CLHC1: variants seen among roughly 807,000 people sequenced by gnomAD.
CLHC1 encodes the protein clathrin heavy chain linker domain-containing protein 1.
A neutral mutation model predicts 69.5 loss-of-function variants in CLHC1; 72 were observed. The observed-to-expected ratio is 1.04, with a 90% CI of 0.86 to 1.26. CLHC1 has a LOEUF of 1.26. Ranked by LOEUF, CLHC1 falls within the 50% of genes most tolerant of loss-of-function variation. The pLI, the probability that CLHC1 is intolerant of heterozygous loss-of-function variation, is 0.00. For missense variants in CLHC1, 790 were observed against 679.3 expected (o/e 1.16, Z -1.81); for synonymous variants, 223 against 224.3 (o/e 0.99, Z 0.05).
intron 7 of CLHC1, 67 bp from the exon 8 acceptor site, chr2:55,208,777 A>G (rs1672685808): frequency 9.0e-7 from 1 of 1,113,546 alleles, no homozygotes; most frequent in Non-Finnish European, 1.4e-6. Flanking sequence ...CAATAAACAT[A>G]CATGTGTTTA....
At chr2:55,214,405 G>C (rs1673300407) in intron 4 of CLHC1, 1 of 152,348 alleles carries the variant, frequency 6.6e-6, no homozygotes, top group Non-Finnish European at 1.5e-5. Flanking sequence ...CCACTCGGAA[G>C]GCTGAGGCAG....
At chr2:55,205,820 G>A (rs1672386254) in intron 9 of CLHC1, 1 of 153,064 alleles carries the variant, frequency 6.5e-6, no homozygotes, top group Non-Finnish European at 1.5e-5. Flanking sequence ...GTTTGAACCT[G>A]GGAGGCAGAG....
intron 1 of CLHC1, among the ~76,000 whole-genome samples, chr2:55,230,097 T>C (rs1199407604): frequency 6.6e-6 from 1 of 152,164 alleles, no homozygotes; most frequent in Non-Finnish European, 1.5e-5. Context: ...AAAGAATTGT[T>C]CTTGTTGCTC....
At chr2:55,207,844 T>C (rs1444933179) in intron 8 of CLHC1, among the ~76,000 whole-genome samples, 2 of 152,178 alleles carry the variant, frequency 1.3e-5, no homozygotes, top group Non-Finnish European at 1.5e-5. Flanking sequence ...TCTTGCTAAG[T>C]TGGTACACAG....
At chr2:55,202,384 T>C (rs1419779836) in intron 9 of CLHC1, among the ~76,000 whole-genome samples, 2 of 151,376 alleles carry the variant, frequency 1.3e-5, no homozygotes, top group Non-Finnish European at 2.9e-5. Context: ...GGAGAAACCC[T>C]GTCCCTACTA....
At chr2:55,183,126 G>A (rs1433140074) in intron 9 of CLHC1, among the ~76,000 whole-genome samples, 3 of 152,122 alleles carry the variant, frequency 2.0e-5, no homozygotes, top group Non-Finnish European at 4.4e-5. Flanking sequence ...GAGAGTAGCA[G>A]AGTAAAGAAG....
intron 9 of CLHC1, chr2:55,205,721 T>A (rs1256641232): frequency 6.6e-6 from 1 of 152,304 alleles, no homozygotes; most frequent in African/African-American, 2.4e-5. Context: ...TGGGAAACCC[T>A]GTCTCAACTA....
chr2:55,205,448 T>C (rs1672351932), intron 9 of CLHC1, among the ~76,000 whole-genome samples: 3 of 150,814 alleles, frequency 2.0e-5, no homozygotes. Flanking sequence ...CACCACAGAA[T>C]ACTACTCAGC....
chr2:55,211,002 T>A (rs1285665630), intron 5 of CLHC1, among the ~76,000 whole-genome samples: 1 of 151,944 alleles, frequency 6.6e-6, no homozygotes, highest in Non-Finnish European at 1.5e-5. Flanking sequence ...CCCTAAATAA[T>A]CCTCCTTTCT....
chr2:55,221,038 T>C (rs1674063417), intron 3 of CLHC1, among the ~76,000 whole-genome samples: 1 of 152,228 alleles, frequency 6.6e-6, no homozygotes, highest in African/African-American at 2.4e-5. Context: ...GGTAGGTATA[T>C]ATCACTATCT....
chr2:55,227,689 AAAAGT>A (rs1484661863), intron 2 of CLHC1, among the ~76,000 whole-genome samples: 1 of 151,546 alleles, frequency 6.6e-6, no homozygotes, highest in Non-Finnish European at 1.5e-5. Flanking sequence ...AAAAAAAAAA[AAAAGT>A]AAAAGATAAA....
intron 9 of CLHC1, among the ~76,000 whole-genome samples, chr2:55,186,203 A>G (rs191694524): frequency 2.3e-4 from 35 of 152,338 alleles, no homozygotes; most frequent in Admixed American, 9.1e-4. Context: ...AACAAAGATC[A>G]GCTTCAGGCT....
chr2:55,197,378 T>C (rs1671526329), intron 9 of CLHC1, among the ~76,000 whole-genome samples: 1 of 152,198 alleles, frequency 6.6e-6, no homozygotes, highest in Non-Finnish European at 1.5e-5. Context: ...GTGATTACAG[T>C]GGGCCTTGGA....
rs555285424 is a variant in CLHC1, at chr2:55,187,254, C to T, written c.1007-5510G>A. On this transcript the variant is annotated intron_variant, in intron 9 of 12. Transcript: ENST00000401408. ...GGATCGCGCCATTGCACTCCAGCTT[C>T]GGCAACAAGAGCAAAACTCCATCTC... 5.5e-5 allele frequency among the ~76,000 whole-genome samples: 8 copies of T among 146,304 alleles called. No homozygotes were observed. The East Asian group carries it at 8.0e-4, about 15-fold the overall frequency.
chr2:55,184,723 G>A (rs1670256870), intron 9 of CLHC1, among the ~76,000 whole-genome samples: 1 of 151,848 alleles, frequency 6.6e-6, no homozygotes, highest in Non-Finnish European at 1.5e-5. Flanking sequence ...TAACCAACAG[G>A]GTGAAACCCT....
intron 5 of CLHC1, among the ~76,000 whole-genome samples, chr2:55,212,421 T>A (rs1339014963): frequency 3.3e-5 from 5 of 152,230 alleles, no homozygotes; most frequent in Admixed American, 3.3e-4. Flanking sequence ...GATGCTGATG[T>A]TGATACAGGA....
At position 55,177,665 on chromosome 2, in the gene CLHC1, A is replaced by T; in HGVS notation, c.1501T>A (p.Phe501Ile). Residue 501 changes from phenylalanine (F) to isoleucine (I), a missense_variant, in exon 12 of 13, where the codon TTC becomes ATC. Physicochemically the swap from Phe to Ile is conservative, Grantham distance 21 (BLOSUM62 0). Coordinates refer to ENST00000401408, the MANE Select transcript of CLHC1 (RefSeq NM_152385.4). ...CCAACTTTTTTCATGTCTGCAGAGAACAGATGAAGTATAGCAAGACCAAAA... is the reference window on the plus strand; with the variant it reads ...CCAACTTTTTTCATGTCTGCAGAGATCAGATGAAGTATAGCAAGACCAAAA... ...LSFGLAILHL[F>I]SADMKKVGIK... The T allele has an allele frequency of 6.2e-7, 1 of 1,612,978 alleles. No homozygotes were observed. Among genetic ancestry groups the T allele is most frequent in the Non-Finnish European group, 8.5e-7 (1 of 1,179,210 alleles).
rs768187703 is a variant in CLHC1, at chr2:55,217,929, C to A, written c.247G>T (p.Glu83Ter). 2 of 1,597,114 alleles carry A rather than the reference C, an allele frequency of 1.3e-6. No homozygotes were observed. The highest frequency in any genetic ancestry group is 2.3e-5 in the East Asian group (1 of 43,766). Residue 83 changes from glutamate (E) to a stop codon, truncating the protein, a stop_gained, in exon 4 of 13, where the codon GAG becomes TAG. Coordinates refer to ENST00000401408, the MANE Select transcript of CLHC1 (RefSeq NM_152385.4). LOFTEE classifies it high-confidence loss of function. Reference sequence around the variant, plus strand: ...GTTCTTCGGTCTTTCTTTATTGTCTCAATAAAGGCATCATATTCTTTTTTG... The same window carrying A: ...GTTCTTCGGTCTTTCTTTATTGTCTAAATAAAGGCATCATATTCTTTTTTG... ...SIKKEYDAFI[E>*]TIKKDRRTTF...
intron 9 of CLHC1, among the ~76,000 whole-genome samples, chr2:55,190,585 T>C (rs1273649740): frequency 6.6e-6 from 1 of 152,064 alleles, no homozygotes; most frequent in East Asian, 1.9e-4. Flanking sequence ...GTTACAGAGA[T>C]GAAAACTACA....
Sources: allele counts gnomAD v4.1 joint callset (sites outside exome capture counted in the v4.1 genomes callset), GRCh38; gene constraint gnomAD v4.1.1; transcripts MANE v1.5; gene names NCBI Gene and HGNC (gene_info 2026-07-23, HGNC 2026-07-21).